Variants in GPD2 observed in about 807,000 individuals in gnomAD.
GPD2 encodes the protein glycerol-3-phosphate dehydrogenase, mitochondrial.
In GPD2, 54 loss-of-function variants were observed where a neutral mutation model predicts 82.4. That is an observed-to-expected ratio of 0.66 (90% CI 0.53 to 0.82). The LOEUF (loss-of-function observed/expected upper bound fraction) is 0.82, where lower values mean the gene tolerates loss of function less well. Ranked by LOEUF, GPD2 falls within the 40% of genes least tolerant of loss-of-function variation. The pLI is 0.00. For missense variants in GPD2, 748 were observed against 896.2 expected (o/e 0.83, Z 2.11); for synonymous variants, 288 against 306.1 (o/e 0.94, Z 0.62).
At chr2:156,518,413 T>C (rs1362850380) in intron 6 of GPD2, among the ~76,000 whole-genome samples, 2 of 152,240 alleles carry the variant, frequency 1.3e-5, no homozygotes, top group Non-Finnish European at 2.9e-5. Context: ...TAGGCTGACT[T>C]ATACAATTAA....
chr2:156,510,996 T>TC (rs1684978704), intron 4 of GPD2, 76 bp downstream of exon 4: 1 of 1,255,928 alleles, frequency 8.0e-7, no homozygotes. Flanking sequence ...GGTTTTTTTT[T>TC]CTTTAATGGC....
intron 1 of GPD2, among the ~76,000 whole-genome samples, chr2:156,458,448 G>A (rs1157485997): frequency 6.6e-6 from 1 of 152,132 alleles, no homozygotes; most frequent in East Asian, 1.9e-4. Context: ...AAAAATGTAG[G>A]GCGAGTTTAG....
Position 156,469,884 on chromosome 2 carries a change from A to C in GPD2, c.-8-6214A>C, listed in dbSNP as rs78721434. Among the ~76,000 whole-genome samples, 1,170 of 152,306 alleles carry C rather than the reference A, an allele frequency of 7.7e-3. 31 individuals are homozygous for C. In the East Asian group the frequency reaches 0.11, roughly 14 times the overall value. ...GAAAGATAGGAGAGTTTTTGTAAACATGAAGGTGTTACAGGAAGGGGGTCC... is the reference window on the plus strand; with the variant it reads ...GAAAGATAGGAGAGTTTTTGTAAACCTGAAGGTGTTACAGGAAGGGGGTCC... On this transcript the variant is annotated intron_variant, in intron 1 of 16. Coordinates refer to ENST00000438166, the MANE Select transcript of GPD2 (RefSeq NM_000408.5).
At chr2:156,570,286 C>T in intron 12 of GPD2, 68 bp downstream of exon 12, 1 of 1,461,092 alleles carries the variant, frequency 6.8e-7, no homozygotes, top group Non-Finnish European at 9.6e-7. Flanking sequence ...CATTTGTCAT[C>T]TTTAAAAATT....
At chr2:156,546,422 T>C (rs1487650891) in intron 6 of GPD2, among the ~76,000 whole-genome samples, 2 of 151,884 alleles carry the variant, frequency 1.3e-5, no homozygotes, top group Non-Finnish European at 2.9e-5. Flanking sequence ...GGAAAGAGGG[T>C]TGGGGAAATT....
At chr2:156,412,363 C>T in the GPD2 span, among the ~76,000 whole-genome samples, 2 of 151,074 alleles carry the variant, frequency 1.3e-5, no homozygotes, top group African/African-American at 4.9e-5. Flanking sequence ...TGCTTGAACC[C>T]GGGAGGCGGA....
At chr2:156,564,246 C>T (rs1209140325) in intron 9 of GPD2, among the ~76,000 whole-genome samples, 1 of 152,142 alleles carries the variant, frequency 6.6e-6, no homozygotes, top group Non-Finnish European at 1.5e-5. Flanking sequence ...CTCTGCCATC[C>T]TCCAAGGTGG....
chr2:156,479,376 G>A (rs964830855), intron 2 of GPD2, among the ~76,000 whole-genome samples: 4 of 152,136 alleles, frequency 2.6e-5, no homozygotes, highest in African/African-American at 9.7e-5. Flanking sequence ...GGTTAGAGGT[G>A]GTAGCAATGA....
intron 6 of GPD2, among the ~76,000 whole-genome samples, chr2:156,521,517 G>A (rs1685407505): frequency 6.6e-6 from 1 of 152,180 alleles, no homozygotes; most frequent in Admixed American, 6.5e-5. Flanking sequence ...ATTATTTTTG[G>A]GGGGTCAATT....
intron 1 of GPD2, among the ~76,000 whole-genome samples, chr2:156,447,287 A>G (rs1682399864): frequency 6.7e-6 from 1 of 150,114 alleles, no homozygotes; most frequent in Non-Finnish European, 1.5e-5. Flanking sequence ...TTCACCTTCC[A>G]TTCCCTCCAC....
At chr2:156,523,000 C>A (rs1301300419) in intron 6 of GPD2, among the ~76,000 whole-genome samples, 3 of 151,926 alleles carry the variant, frequency 2.0e-5, no homozygotes, top group Admixed American at 6.6e-5. Context: ...TCCTCTTTCC[C>A]CCCTGCTCCC....
chr2:156,480,889 C>G (rs558072361), intron 2 of GPD2, among the ~76,000 whole-genome samples: 1 of 151,552 alleles, frequency 6.6e-6, no homozygotes, highest in East Asian at 2.0e-4. Context: ...AGCGATTCTC[C>G]TGCCTCAGCC....
intron 12 of GPD2, among the ~76,000 whole-genome samples, chr2:156,570,591 A>G (rs1422896946): frequency 6.6e-6 from 1 of 152,142 alleles, no homozygotes; most frequent in Non-Finnish European, 1.5e-5. Context: ...TTTCCCATCA[A>G]GCTCTCCAGT....
chr2:156,439,833 G>A (rs559944352), intron 1 of GPD2, among the ~76,000 whole-genome samples: 1 of 102,096 alleles, frequency 9.8e-6, no homozygotes, highest in Non-Finnish European at 2.4e-5. Flanking sequence ...GGCGACAGAA[G>A]GAGAATCTGT....
intron 6 of GPD2, among the ~76,000 whole-genome samples, chr2:156,544,984 A>G (rs1457480735): frequency 6.6e-6 from 1 of 152,208 alleles, no homozygotes. Flanking sequence ...TGTTATCACA[A>G]TTCACCATGA....
the GPD2 span, among the ~76,000 whole-genome samples, chr2:156,413,595 AT>A: frequency 4.6e-5 from 7 of 151,736 alleles, no homozygotes; most frequent in African/African-American, 7.3e-5. Flanking sequence ...CACAAAAAAA[AT>A]AAATAAATAA....
chr2:156,484,871 C>T (rs1385934642), intron 2 of GPD2, among the ~76,000 whole-genome samples: 6 of 152,026 alleles, frequency 3.9e-5, no homozygotes, highest in African/African-American at 1.2e-4. Flanking sequence ...AAAAACAAAA[C>T]CCAATTCTTT....
rs1467863211 is a variant in GPD2 at position 156,480,649 on chromosome 2, G to A, written c.102+4442G>A. ...GGTGTGGTGGCTTTGGGCTTTGTGA[G>A]CCGAGGTAAAACTTGAGAACCACTG... On this transcript the variant is annotated intron_variant, in intron 2 of 16. Coordinates refer to ENST00000438166, the MANE Select transcript of GPD2 (RefSeq NM_000408.5). Among the ~76,000 whole-genome samples the A allele has an allele frequency of 3.3e-5, 5 of 150,532 alleles. No homozygotes were observed. The Middle Eastern group carries it at 0.01, about 311-fold the overall frequency.
At chr2:156,513,810 A>T (rs557933657) in intron 6 of GPD2, among the ~76,000 whole-genome samples, 2 of 152,118 alleles carry the variant, frequency 1.3e-5, no homozygotes, top group Admixed American at 1.3e-4. Flanking sequence ...GTAATTTGTT[A>T]TGTGTTTGCT....
Sources: allele counts gnomAD v4.1 joint callset (sites outside exome capture counted in the v4.1 genomes callset), GRCh38; gene constraint gnomAD v4.1.1; transcripts MANE v1.5; gene names NCBI Gene and HGNC (gene_info 2026-07-23, HGNC 2026-07-21).